Variants in TMEM121B observed in about 807,000 individuals in gnomAD.
TMEM121B encodes transmembrane protein 121B.
A neutral mutation model predicts 25.1 loss-of-function variants in TMEM121B; 14 were observed. That is an observed-to-expected ratio of 0.56 (90% CI 0.37 to 0.87). The LOEUF (loss-of-function observed/expected upper bound fraction) is 0.87. Among genes scored for constraint, TMEM121B ranks in the 40% least tolerant of loss-of-function variants. TMEM121B has a pLI of 0.00. For synonymous variants in TMEM121B, 458 were observed against 420.9 expected, an observed-to-expected ratio of 1.09 and a Z score of -1.08; for missense variants, 850 against 854.6, an observed-to-expected ratio of 0.99 and a Z score of 0.07.
Position 17,121,090 on chromosome 22 carries a change from G to A in TMEM121B, c.38C>T (p.Ser13Phe). ...PALGHPRSVS[S>F]ASGSFPPPPA... is the part of the protein sequence containing the mutation. ...GGGCGGCGGGAAGGAACCGGACGCG[G>A]AGGAGACCGAGCGAGGGTGGCCGAG... The change falls in exon 1 of 1, where the codon TCC becomes TTC. Residue 13 changes from serine (S) to phenylalanine (F), a missense_variant. Coordinates refer to ENST00000331437, the MANE Select transcript of TMEM121B (RefSeq NM_031890.4). The A allele has an allele frequency of 7.0e-7, 1 of 1,435,728 alleles. No individual in the cohort carries two copies. The allele number at this position is 1,435,728 out of a possible 1,614,324, so 88.9% of individuals were successfully genotyped here. A position where few individuals can be genotyped will look rare whatever the true frequency, so the allele number is the denominator to read the frequency against.
At position 17,120,111 on chromosome 22, in the gene TMEM121B, G is replaced by A. The variant is rs766325328; in HGVS notation, c.1017C>T (p.Asp339=). The part of the protein sequence containing the change: ...VVLILGTSIL[D]LIELRAPFGT... ...CGAAGGGCGCGCGTAGCTCGATGAG[G>A]TCTAGGATGGACGTGCCCAGGATCA... The change falls in exon 1 of 1, where the codon GAC becomes GAT. Residue 339 remains aspartate, a synonymous_variant. Transcript: ENST00000331437. The A allele has an allele frequency of 1.2e-6, 2 of 1,611,592 alleles. No individual in the cohort carries two copies. Among genetic ancestry groups the A allele is most frequent in the Admixed American group, 1.7e-5 (1 of 60,002 alleles).
Position 17,121,322 on chromosome 22 carries a change from A to AG in TMEM121B, c.-196dup, listed in dbSNP as rs1484934991. 1.9e-4 allele frequency: 32 copies of AG among 167,580 alleles called. No homozygotes were observed. The highest frequency in any genetic ancestry group is 2.4e-4 in the Non-Finnish European group (28 of 115,478). The allele number at this position is 167,580 out of a possible 1,614,324, so 10.4% of individuals were successfully genotyped here. A position where few individuals can be genotyped will look rare whatever the true frequency, so the allele number is the denominator to read the frequency against. The stretch of plus-strand genomic sequence containing the variant: ...GCGAGCCGGGCCGGGCGGCAGGGAG[A>AG]GGGGGCAGGCGGTGAACCGAGCGGA... On this transcript the variant is annotated 5_prime_UTR_variant, in exon 1 of 1. Coordinates refer to ENST00000331437, the MANE Select transcript of TMEM121B (RefSeq NM_031890.4).
rs1309279170 is a variant in TMEM121B at position 17,120,419 on chromosome 22, C to A, written c.709G>T (p.Val237Leu). The change falls in exon 1 of 1, where the codon GTG (valine) becomes TTG (leucine). Residue 237 changes from valine (V) to leucine (L), a missense_variant. By Grantham distance (32) the Val-to-Leu change is conservative (BLOSUM62 1). Coordinates refer to ENST00000331437, the MANE Select transcript of TMEM121B (RefSeq NM_031890.4). ...AAGAAGATGGCCCAGCCCACCACCA[C>A]CACCAGGTCAGTGGCGATCCAGGAG... ...WCSWIATDLVVVVGWAIFFAK... is the reference protein window; with the variant it reads ...WCSWIATDLVLVVGWAIFFAK... 6.4e-7 allele frequency: 1 copy of A among 1,569,520 alleles called. No homozygotes were observed. Among genetic ancestry groups the A allele is most frequent in the Non-Finnish European group, 8.6e-7 (1 of 1,163,314 alleles).
Position 17,119,155 on chromosome 22 carries a change from T to C in TMEM121B, c.*236A>G, listed in dbSNP as rs1233100336. On this transcript the variant is annotated 3_prime_UTR_variant, in exon 1 of 1. Transcript: ENST00000331437. Reference sequence around the variant, plus strand: ...GGTACCAGCCCCTTGGAGGTCAGGATTGGGGTAGGATAGGAGAAGAGAGGA... The same window carrying C: ...GGTACCAGCCCCTTGGAGGTCAGGACTGGGGTAGGATAGGAGAAGAGAGGA... 5 of 498,290 alleles carry C rather than the reference T, an allele frequency of 1.0e-5. No homozygotes were observed. Among genetic ancestry groups the C allele is most frequent in the African/African-American group, 4.1e-5 (2 of 49,220 alleles). The allele number at this position is 498,290 out of a possible 1,614,324, so 30.9% of individuals were successfully genotyped here.
In TMEM121B at chr22:17,121,020, G is replaced by T; in HGVS notation, c.108C>A (p.Ser36=). Residue 36 remains serine, a synonymous_variant, in exon 1 of 1, where the codon TCC becomes TCA. Coordinates refer to ENST00000331437, the MANE Select transcript of TMEM121B (RefSeq NM_031890.4). ...RLQPLFLRGG[S]FRGRRGSGDS... ...CGCCGGAGCCTCTCCGGCCGCGGAA[G>T]GAGCCCCCGCGGAGGAAGAGGGGCT... 1 of 1,470,122 alleles carries T rather than the reference G, an allele frequency of 6.8e-7. No homozygotes were observed. The highest frequency in any genetic ancestry group is 2.9e-5 in the East Asian group (1 of 34,078). The allele number at this position is 1,470,122 out of a possible 1,614,324, so 91.1% of individuals were successfully genotyped here. A position where few individuals can be genotyped will look rare whatever the true frequency, so the allele number is the denominator to read the frequency against.
In TMEM121B at chr22:17,120,650, T is replaced by G; in HGVS notation, c.478A>C (p.Thr160Pro). Residue 160 changes from threonine (T) to proline (P), a missense_variant, in exon 1 of 1, where the codon ACC (threonine) becomes CCC (proline). Transcript: ENST00000331437. Reference sequence around the variant, plus strand: ...CAGGAGGCGCCGCTGCCGGTCCCGGTGCCGCCCGCGCCCCCCGCCGAGCGG... The same window carrying G: ...CAGGAGGCGCCGCTGCCGGTCCCGGGGCCGCCCGCGCCCCCCGCCGAGCGG... ...GSRSAGGAGG[T>P]GTGSGASCCP... is the part of the protein sequence containing the mutation. The G allele has an allele frequency of 2.6e-6, 3 of 1,175,610 alleles. No individual in the cohort carries two copies. The highest frequency in any genetic ancestry group is 3.9e-5 in the East Asian group (1 of 25,946). The allele number at this position is 1,175,610 out of a possible 1,614,324, so 72.8% of individuals were successfully genotyped here.
At position 17,120,957 on chromosome 22, in the gene TMEM121B, G is replaced by A; in HGVS notation, c.171C>T (p.Gly57=). Residue 57 remains glycine (G), a synonymous_variant, in exon 1 of 1, where the codon GGC becomes GGT. Coordinates refer to ENST00000331437, the MANE Select transcript of TMEM121B (RefSeq NM_031890.4). ...CGCCGCCCCCGCCGCGTCTGCCGCC[G>A]CCTCCCCCGCGGCTGGTGCTGGTGC... The part of the protein sequence containing the change: ...STSTSTSRGG[G]GGRRGGGGGS... The A allele has an allele frequency of 1.4e-6, 2 of 1,420,042 alleles. No homozygotes were observed. The highest frequency in any genetic ancestry group is 9.2e-7 in the Non-Finnish European group (1 of 1,088,924). The allele number at this position is 1,420,042 out of a possible 1,614,324, so 88.0% of individuals were successfully genotyped here. A position where few individuals can be genotyped will look rare whatever the true frequency, so the allele number is the denominator to read the frequency against.
Position 17,120,172 on chromosome 22 carries a change from A to T in TMEM121B, c.956T>A (p.Leu319His). Residue 319 changes from leucine to histidine, a missense_variant, in exon 1 of 1, where the codon CTT becomes CAT. Transcript: ENST00000331437. Reference sequence around the variant, plus strand: ...GGGAGTGAAGGCGATGGAGTAGATAAGCCAGGCCAGGTAGGCGAAGGCGAA... The same window carrying T: ...GGGAGTGAAGGCGATGGAGTAGATATGCCAGGCCAGGTAGGCGAAGGCGAA... ...GEFAFAYLAWLIYSIAFTPKV... is the reference protein window; with the variant it reads ...GEFAFAYLAWHIYSIAFTPKV... 6.3e-7 allele frequency: 1 copy of T among 1,580,840 alleles called. No individual in the cohort carries two copies. The highest frequency in any genetic ancestry group is 8.6e-7 in the Non-Finnish European group (1 of 1,166,708).
Position 17,120,331 on chromosome 22 carries a change from T to C in TMEM121B, c.797A>G (p.His266Arg), listed in dbSNP as rs763036624. The C allele has an allele frequency of 6.6e-7, 1 of 1,506,240 alleles. No homozygotes were observed. The highest frequency in any genetic ancestry group is 8.8e-7 in the Non-Finnish European group (1 of 1,133,018). The allele number at this position is 1,506,240 out of a possible 1,614,324, so 93.3% of individuals were successfully genotyped here. Residue 266 changes from histidine (H) to arginine (R), a missense_variant, in exon 1 of 1, where the codon CAC (histidine) becomes CGC (arginine). His to Arg is a conservative substitution (Grantham distance 29). Coordinates refer to ENST00000331437, the MANE Select transcript of TMEM121B (RefSeq NM_031890.4). ...CAGGGGCGGCGCGGCGTGGTGGTGG[T>C]GCAGGTGGTGGTTGTGCGCGCCGCT... Reference protein sequence around the residue: ...AASGAHNHHLHHHHAAPPLHL... With the variant: ...AASGAHNHHLRHHHAAPPLHL...
rs2061494812 is a variant in TMEM121B at position 17,120,683 on chromosome 22, G to GGCCCCCGACGGCCCCGGCCGCGGC, written c.421_444dup (p.Ala141_Gly148dup). On this transcript the variant is annotated inframe_insertion, in exon 1 of 1. Transcript: ENST00000331437. ...GCGCCCCCCGCCGAGCGGCTCCCGG[G>GGCCCCCGACGGCCCCGGCCGCGGC]GCCCCCGACGGCCCCGGCCGCGGCG... 1 of 1,183,240 alleles carries GGCCCCCGACGGCCCCGGCCGCGGC rather than the reference G, an allele frequency of 8.5e-7. No individual in the cohort carries two copies. Among genetic ancestry groups the GGCCCCCGACGGCCCCGGCCGCGGC allele is most frequent in the African/African-American group, 1.6e-5 (1 of 62,000 alleles). The allele number at this position is 1,183,240 out of a possible 1,614,324, so 73.3% of individuals were successfully genotyped here.
rs1439740966 is a variant in TMEM121B, at chr22:17,120,285, G to C, written c.843C>G (p.Ala281=). ...CGCGTGCCTTGGCCCCAGCGGTAGCGGCCGAGGGGGCGGGCAGATGCAGGG... is the reference window on the plus strand; with the variant it reads ...CGCGTGCCTTGGCCCCAGCGGTAGCCGCCGAGGGGGCGGGCAGATGCAGGG... ...APPLHLPAPS[A]ATAGAKARGA... is the part of the protein sequence containing the mutation. Residue 281 remains alanine (A), a synonymous_variant, in exon 1 of 1, where the codon GCC becomes GCG. Coordinates refer to ENST00000331437, the MANE Select transcript of TMEM121B (RefSeq NM_031890.4). 7.6e-7 allele frequency: 1 copy of C among 1,323,654 alleles called. No homozygotes were observed. Among genetic ancestry groups the C allele is most frequent in the African/African-American group, 1.5e-5 (1 of 65,882 alleles). 82.0% of individuals were successfully genotyped at this position (1,323,654 alleles called of 1,614,324 possible).
Position 17,120,126 on chromosome 22 carries a change from G to A in TMEM121B, c.1002C>T (p.Gly334=), listed in dbSNP as rs1432917193. 7.4e-6 allele frequency: 12 copies of A among 1,611,152 alleles called. No individual in the cohort carries two copies. The highest frequency in any genetic ancestry group is 1.0e-5 in the Non-Finnish European group (12 of 1,179,494). ...AFTPKVVLIL[G]TSILDLIELR... Reference sequence around the variant, plus strand: ...GCTCGATGAGGTCTAGGATGGACGTGCCCAGGATCAGCACCACCTTGGGAG... The same window carrying A: ...GCTCGATGAGGTCTAGGATGGACGTACCCAGGATCAGCACCACCTTGGGAG... Residue 334 remains glycine (G), a synonymous_variant, in exon 1 of 1, where the codon GGC becomes GGT. Coordinates refer to ENST00000331437, the MANE Select transcript of TMEM121B (RefSeq NM_031890.4).
rs1344019698 is a variant in TMEM121B at position 17,117,213 on chromosome 22, T to G, written c.*2178A>C. 2 of 141,010 alleles carry G rather than the reference T, an allele frequency of 1.4e-5. No homozygotes were observed. The highest frequency in any genetic ancestry group is 1.6e-5 in the Non-Finnish European group (1 of 62,798). The allele number at this position is 141,010 out of a possible 1,614,324, so 8.7% of individuals were successfully genotyped here. ...CCAGGCCCCAGAACCTTGAGTACAA[T>G]CAAAGGGAGAGGAGAGGAGTCAGTG... is the stretch of plus-strand genomic sequence containing the variant. On this transcript the variant is annotated 3_prime_UTR_variant, in exon 1 of 1. Coordinates refer to ENST00000331437, the MANE Select transcript of TMEM121B (RefSeq NM_031890.4).
At position 17,119,904 on chromosome 22, in the gene TMEM121B, C is replaced by A; in HGVS notation, c.1224G>T (p.Thr408=). The change falls in exon 1 of 1, where the codon ACG becomes ACT. Residue 408 remains threonine (T), a synonymous_variant. Transcript: ENST00000331437. ...GGCCCTCCAGCATCAGCTCCACCAG[C>A]GTGAAGCTGTCGAGCAGGTCCAAGC... The part of the protein sequence containing the change: ...GTCLDLLDSF[T]LVELMLEGRV... 1 of 1,567,694 alleles carries A rather than the reference C, an allele frequency of 6.4e-7. No homozygotes were observed.
chr22:17,121,123 C>A lies in TMEM121B; in HGVS notation c.5G>T (p.Arg2Leu). 1.5e-6 allele frequency: 2 copies of A among 1,372,950 alleles called. No individual in the cohort carries two copies. Among genetic ancestry groups the A allele is most frequent in the Non-Finnish European group, 1.9e-6 (2 of 1,062,102 alleles). 85.0% of individuals were successfully genotyped at this position (1,372,950 alleles called of 1,614,324 possible). Reference protein sequence around the residue: MRPALGHPRSVS... With the variant: MLPALGHPRSVS... ...CGAGCGAGGGTGGCCGAGCGCCGGGCGCATTGTCCTCCGAGGGGCTCTGGG... is the reference window on the plus strand; with the variant it reads ...CGAGCGAGGGTGGCCGAGCGCCGGGAGCATTGTCCTCCGAGGGGCTCTGGG... Residue 2 changes from arginine to leucine, a missense_variant, in exon 1 of 1, where the codon CGC becomes CTC. Transcript: ENST00000331437.
At position 17,119,432 on chromosome 22, in the gene TMEM121B, G is replaced by A; in HGVS notation, c.1696C>T (p.His566Tyr). 1 of 1,608,482 alleles carries A rather than the reference G, an allele frequency of 6.2e-7. No individual in the cohort carries two copies. Among genetic ancestry groups the A allele is most frequent in the Non-Finnish European group, 8.5e-7 (1 of 1,177,542 alleles). Residue 566 changes from histidine (H) to tyrosine (Y), a missense_variant, in exon 1 of 1, where the codon CAT (histidine) becomes TAT (tyrosine). His to Tyr is a moderately conservative substitution (Grantham distance 83). Coordinates refer to ENST00000331437, the MANE Select transcript of TMEM121B (RefSeq NM_031890.4). ...HCISENEGGA[H>Y]GYVNTLAVAS... ...ACAGCCAGGGTGTTGACATAGCCAT[G>A]AGCACCCCCCTCGTTCTCCGAGATG...
In TMEM121B at chr22:17,121,230, C is replaced by A; in HGVS notation, c.-103G>T. ...CGAGGGGAGCCGGGGCCCGCCGCCT[C>A]CCCAGCAGTGGGGACTCGCACCTGG... On this transcript the variant is annotated 5_prime_UTR_variant, in exon 1 of 1. Coordinates refer to ENST00000331437, the MANE Select transcript of TMEM121B (RefSeq NM_031890.4). The A allele has an allele frequency of 9.0e-7, 1 of 1,115,318 alleles. No homozygotes were observed. The highest frequency in any genetic ancestry group is 3.4e-5 in the East Asian group (1 of 29,632). The allele number at this position is 1,115,318 out of a possible 1,614,324, so 69.1% of individuals were successfully genotyped here.
Position 17,118,974 on chromosome 22 carries a change from G to C in TMEM121B, c.*417C>G, listed in dbSNP as rs554733685. The C allele has an allele frequency of 5.4e-4, 104 of 191,008 alleles. No individual in the cohort carries two copies. Among genetic ancestry groups the C allele is most frequent in the African/African-American group, 2.4e-3 (99 of 41,850 alleles). 11.8% of individuals were successfully genotyped at this position (191,008 alleles called of 1,614,324 possible). A position where few individuals can be genotyped will look rare whatever the true frequency, so the allele number is the denominator to read the frequency against. ...TCCAAGAGACACATCAGTGGAAAGTGGGTTCTGGGTCAATTTCAAGGCATG... is the reference window on the plus strand; with the variant it reads ...TCCAAGAGACACATCAGTGGAAAGTCGGTTCTGGGTCAATTTCAAGGCATG... On this transcript the variant is annotated 3_prime_UTR_variant, in exon 1 of 1. Coordinates refer to ENST00000331437, the MANE Select transcript of TMEM121B (RefSeq NM_031890.4).
In TMEM121B at chr22:17,121,122, G is replaced by A. The variant is rs769668930; in HGVS notation, c.6C>T (p.Arg2=). ...CCGAGCGAGGGTGGCCGAGCGCCGG[G>A]CGCATTGTCCTCCGAGGGGCTCTGG... The part of the protein sequence containing the change: M[R]PALGHPRSVS... Residue 2 remains arginine (R), a synonymous_variant, in exon 1 of 1, where the codon CGC becomes CGT. Coordinates refer to ENST00000331437, the MANE Select transcript of TMEM121B (RefSeq NM_031890.4). The A allele has an allele frequency of 4.8e-5, 66 of 1,376,578 alleles. No homozygotes were observed. The highest frequency in any genetic ancestry group is 5.8e-5 in the Non-Finnish European group (62 of 1,064,060). 85.3% of individuals were successfully genotyped at this position (1,376,578 alleles called of 1,614,324 possible). A position where few individuals can be genotyped will look rare whatever the true frequency, so the allele number is the denominator to read the frequency against.
Sources: allele counts gnomAD v4.1 joint callset, GRCh38; gene constraint gnomAD v4.1.1; transcripts MANE v1.5; gene names NCBI Gene and HGNC (gene_info 2026-07-23, HGNC 2026-07-21).